PPP1R12B: variants seen among roughly 807,000 people sequenced by gnomAD.
PPP1R12B encodes protein phosphatase 1 regulatory subunit 12B.
PPP1R12B carries 76 observed loss-of-function variants against 126.1 expected under a neutral mutation model. That is an observed-to-expected ratio of 0.60 (90% confidence interval 0.50 to 0.73). The LOEUF is 0.73. PPP1R12B is among the 30% of genes least tolerant of loss of function. The pLI, the probability that PPP1R12B is intolerant of heterozygous loss-of-function variation, is 0.00. For synonymous variants in PPP1R12B, 356 were observed against 434.7 expected (o/e 0.82, Z 2.25); for missense variants, 1,052 against 1,205.1 (o/e 0.87, Z 1.88).
chr1:202,351,212 T>TTTGTTG (rs60936070), intron 1 of PPP1R12B, among the ~76,000 whole-genome samples: 131 of 146,548 alleles, frequency 8.9e-4, no homozygotes, highest in South Asian at 5.4e-3. Flanking sequence ...TGGAGAAGTT[T>TTTGTTG]TTGTTGTTGT....
chr1:202,543,389 TAATA>T (rs1045341546), intron 18 of PPP1R12B, among the ~76,000 whole-genome samples: 3 of 152,138 alleles, frequency 2.0e-5, no homozygotes, highest in Non-Finnish European at 2.9e-5. Flanking sequence ...ATTTTGAAAA[TAATA>T]AATATTTTTA....
chr1:202,429,604 T>G (rs886923374), intron 6 of PPP1R12B, among the ~76,000 whole-genome samples: 4 of 152,096 alleles, frequency 2.6e-5, no homozygotes, highest in African/African-American at 9.7e-5. Context: ...CATATACAGA[T>G]GAAGAGTGAA....
chr1:202,495,742 T>G (rs1319024712), intron 17 of PPP1R12B, 60 bp downstream of exon 17: 2 of 1,472,868 alleles, frequency 1.4e-6, no homozygotes, highest in African/African-American at 1.4e-5. Context: ...ATTCTTTCAG[T>G]TGAGTTTAAA....
At chr1:202,403,767 G>A (rs911515941) in intron 1 of PPP1R12B, among the ~76,000 whole-genome samples, 1 of 152,244 alleles carries the variant, frequency 6.6e-6, no homozygotes, top group African/African-American at 2.4e-5. Context: ...TTGGGAATCA[G>A]AAACAGAAAA....
At chr1:202,417,486 C>T in intron 2 of PPP1R12B, 1 of 871,760 alleles carries the variant, frequency 1.1e-6, no homozygotes, top group Non-Finnish European at 1.4e-6. Context: ...TCCAGGACAA[C>T]TAGTTGCCCC....
intron 12 of PPP1R12B, among the ~76,000 whole-genome samples, chr1:202,444,087 CAT>C (rs1444048128): frequency 6.6e-6 from 1 of 152,182 alleles, no homozygotes; most frequent in East Asian, 1.9e-4. Flanking sequence ...AGGAAAGAAT[CAT>C]ATGCCATCAC....
At chr1:202,510,503 C>G (rs796093290) in intron 18 of PPP1R12B, among the ~76,000 whole-genome samples, 5 of 152,166 alleles carry the variant, frequency 3.3e-5, no homozygotes, top group African/African-American at 1.2e-4. Context: ...TGCTAACATC[C>G]CAGGTAGGCC....
chr1:202,454,319 G>T (rs1673355619), intron 13 of PPP1R12B, among the ~76,000 whole-genome samples: 1 of 152,190 alleles, frequency 6.6e-6, no homozygotes, highest in South Asian at 2.1e-4. Context: ...ATCAAGTACA[G>T]GTCAAAATAA....
intron 18 of PPP1R12B, among the ~76,000 whole-genome samples, chr1:202,501,141 C>T (rs1424843550): frequency 6.6e-6 from 1 of 152,154 alleles, no homozygotes; most frequent in African/African-American, 2.4e-5. Context: ...TTAATAGATC[C>T]TTTGTCTTTC....
intron 1 of PPP1R12B, among the ~76,000 whole-genome samples, chr1:202,378,132 C>T (rs1271386922): frequency 6.6e-6 from 1 of 152,010 alleles, no homozygotes; most frequent in African/African-American, 2.4e-5. Flanking sequence ...GCCACCGCGC[C>T]CAGCCAAAGA....
At chr1:202,569,287 T>C in intron 23 of PPP1R12B, 90 bp downstream of exon 23, 1 of 1,294,364 alleles carries the variant, frequency 7.7e-7, no homozygotes, top group Non-Finnish European at 1.1e-6. Context: ...CCCCTCCAGA[T>C]TTCACTACAA....
Position 202,434,518 on chromosome 1 carries a change from G to T in PPP1R12B, c.1142-138G>T. ...AGTTGCAAGAGTTTACAAGTTGTTA[G>T]TTTATATCCAAGCATTACAGGGCCT... On this transcript the variant is annotated intron_variant, in intron 8 of 23. Transcript: ENST00000608999. 2.7e-6 allele frequency: 3 copies of T among 1,120,258 alleles called. No individual in the cohort carries two copies. In the East Asian group the frequency reaches 8.8e-5, roughly 33 times the overall value. The allele number at this position is 1,120,258 out of a possible 1,614,324, so 69.4% of individuals were successfully genotyped here. A position where few individuals can be genotyped will look rare whatever the true frequency, so the allele number is the denominator to read the frequency against.
intron 1 of PPP1R12B, among the ~76,000 whole-genome samples, chr1:202,381,073 T>G (rs1339768829): frequency 6.6e-6 from 1 of 152,238 alleles, no homozygotes; most frequent in Non-Finnish European, 1.5e-5. Flanking sequence ...TACATATACA[T>G]TTCTCATATA....
rs766125318 is a variant in PPP1R12B, at chr1:202,425,661, C to G, written c.637C>G (p.Gln213Glu). ...CAGTGGGAAAATAGAGGATGTGAGG[C>G]AGGCTCGCTCAGGGGCTACAGCCCT... ...LNSGKIEDVR[Q>E]ARSGATALHV... Residue 213 changes from glutamine (Q) to glutamate (E), a missense_variant, in exon 4 of 24, where the codon CAG (glutamine) becomes GAG (glutamate). By Grantham distance (29) the Gln-to-Glu change is conservative. Transcript: ENST00000608999. 9.9e-6 allele frequency: 16 copies of G among 1,613,816 alleles called. No homozygotes were observed. The highest frequency in any genetic ancestry group is 1.6e-4 in the Middle Eastern group (1 of 6,068).
At chr1:202,511,224 T>G (rs1273150945) in intron 18 of PPP1R12B, among the ~76,000 whole-genome samples, 1 of 142,822 alleles carries the variant, frequency 7.0e-6, no homozygotes, top group African/African-American at 2.9e-5. Context: ...ACTATGTAGT[T>G]TTTTTTTTTT....
intron 1 of PPP1R12B, among the ~76,000 whole-genome samples, chr1:202,365,046 A>C (rs1382885264): frequency 2.6e-5 from 4 of 152,210 alleles, no homozygotes; most frequent in African/African-American, 9.6e-5. Context: ...CAATTAGTAC[A>C]AATACCACCC....
chr1:202,582,093 C>G lies in PPP1R12B; in HGVS notation c.*1533C>G, dbSNP rs1363600271. 6.6e-6 allele frequency: 1 copy of G among 152,214 alleles called. No homozygotes were observed. The highest frequency in any genetic ancestry group is 6.5e-5 in the Admixed American group (1 of 15,288). 9.4% of individuals were successfully genotyped at this position (152,214 alleles called of 1,614,324 possible). ...ATCAGCTGAAGTCTGCCTGTGGATT[C>G]TCCTTGTAGTCCAGATCTACTATCT... On this transcript the variant is annotated 3_prime_UTR_variant, in exon 24 of 24. Coordinates refer to ENST00000608999, the MANE Select transcript of PPP1R12B (RefSeq NM_002481.4).
intron 14 of PPP1R12B, 128 bp from the exon 15 acceptor site, chr1:202,492,986 T>C: frequency 1.1e-6 from 1 of 902,670 alleles, no homozygotes; most frequent in Non-Finnish European, 1.7e-6. Context: ...AGTGGCCTCA[T>C]TATGCATTTT....
intron 18 of PPP1R12B, among the ~76,000 whole-genome samples, chr1:202,530,987 C>G (rs954628432): frequency 6.6e-6 from 1 of 152,212 alleles, no homozygotes; most frequent in African/African-American, 2.4e-5. Flanking sequence ...CCTAATATGT[C>G]TCCCTCACTC....
Sources: gnomAD v4.1 joint callset for allele counts (sites outside exome capture counted in the v4.1 genomes callset) on GRCh38, gnomAD v4.1.1 for gene constraint, MANE v1.5 for transcripts, NCBI Gene and HGNC (gene_info 2026-07-23, HGNC 2026-07-21) for gene names.